The following CLVS1 variants were observed in gnomAD, a reference collection of about 807,000 sequenced individuals.
CLVS1 encodes clavesin-1.
In CLVS1, 10 loss-of-function variants were observed where a neutral mutation model predicts 33.1. The observed-to-expected ratio is 0.30, with a 90% CI of 0.19 to 0.51. CLVS1 has a LOEUF of 0.51. Among genes scored for constraint, CLVS1 ranks in the 20% least tolerant of loss-of-function variants. The pLI, the probability that CLVS1 is intolerant of heterozygous loss-of-function variation, is 0.97. For synonymous variants in CLVS1, 163 were observed against 166.1 expected (o/e 0.98, Z 0.14); for missense variants, 343 against 433.4 (o/e 0.79, Z 1.85).
At chr8:61,260,145 C>G (rs1407469561) in intron 2 of CLVS1, among the ~76,000 whole-genome samples, 5 of 152,212 alleles carry the variant, frequency 3.3e-5, no homozygotes, top group African/African-American at 1.2e-4. Context: ...TTACTCTATT[C>G]TGGTTCCTTC....
intron 2 of CLVS1, among the ~76,000 whole-genome samples, chr8:61,258,771 T>C (rs1809138108): frequency 6.6e-6 from 1 of 152,230 alleles, no homozygotes. Context: ...AGATTAGAAC[T>C]TCCATCTACT....
In CLVS1 at chr8:61,336,126, G is replaced by T. The variant is rs78077443; in HGVS notation, c.455+35844G>T. Among the ~76,000 whole-genome samples, 687 of 152,210 alleles carry T rather than the reference G, an allele frequency of 4.5e-3. 5 individuals carry two copies. Among genetic ancestry groups the T allele is most frequent in the Non-Finnish European group, 7.6e-3 (520 of 68,004 alleles). On this transcript the variant is annotated intron_variant, in intron 2 of 5. Transcript: ENST00000325897. ...CGCTGCTAACCTGGGTTGGGAAACT[G>T]CAGGACCCACAGCAACCCCTAGGAG...
intron 2 of CLVS1, among the ~76,000 whole-genome samples, chr8:61,169,637 C>T (rs1806952889): frequency 6.6e-6 from 1 of 152,110 alleles, no homozygotes; most frequent in East Asian, 1.9e-4. Context: ...ATATTTTGTC[C>T]CAGGCCGTTG....
intron 5 of CLVS1, 43 bp from the exon 6 acceptor site, chr8:61,499,412 T>C (rs1804467570): frequency 7.0e-7 from 1 of 1,419,606 alleles, no homozygotes; most frequent in Non-Finnish European, 1.0e-6. Flanking sequence ...ATTGTCACCA[T>C]GAATTGTTTG....
chr8:61,123,877 G>C lies in CLVS1; in HGVS notation c.-242-7893G>C, dbSNP rs570338720. ...GTCTGATCATCAAAGCAGACAAAAA[G>C]AGAGTTGGAGCATGGCGAGGAGGAT... On this transcript the variant is annotated intron_variant, in intron 1 of 2. Transcript: ENST00000522621. Among the ~76,000 whole-genome samples the C allele has an allele frequency of 5.3e-5, 8 of 152,340 alleles. No individual in the cohort carries two copies. The South Asian group carries it at 1.4e-3, about 28-fold the overall frequency.
chr8:61,156,810 C>A (rs1006010819), intron 2 of CLVS1, among the ~76,000 whole-genome samples: 2 of 152,118 alleles, frequency 1.3e-5, no homozygotes, highest in Non-Finnish European at 2.9e-5. Context: ...ATTGGTCAGG[C>A]CACTTACTCC....
intron 5 of CLVS1, chr8:61,465,382 C>T (rs4367528): frequency 0.87 from 131,718 of 152,104 alleles, 57,260 homozygotes; most frequent in Middle Eastern, 0.92. Flanking sequence ...CTGGTATCCA[C>T]GTAGAGTAAA....
the CLVS1 span, among the ~76,000 whole-genome samples, chr8:61,000,589 G>T: frequency 6.6e-6 from 1 of 152,152 alleles, no homozygotes; most frequent in African/African-American, 2.4e-5. Context: ...TAATAAAAAC[G>T]TCAAAGATTT....
intron 5 of CLVS1, among the ~76,000 whole-genome samples, chr8:61,459,184 A>C (rs528895809): frequency 1.3e-5 from 2 of 152,240 alleles, no homozygotes; most frequent in Admixed American, 1.3e-4. Flanking sequence ...AAGGCGTGCA[A>C]GGGTGGGAGA....
chr8:61,451,503 T>A lies in CLVS1; in HGVS notation c.631-2638T>A, dbSNP rs1247267020. Among the ~76,000 whole-genome samples the A allele has an allele frequency of 2.0e-5, 3 of 152,064 alleles. No individual in the cohort carries two copies. In the East Asian group the frequency reaches 5.8e-4, roughly 29 times the overall value. ...TAATGCCATTTTCTTGAACTTAGAGTATGTTGGTGCATGATGCTCTTTAGT... is the reference window on the plus strand; with the variant it reads ...TAATGCCATTTTCTTGAACTTAGAGAATGTTGGTGCATGATGCTCTTTAGT... On this transcript the variant is annotated intron_variant, in intron 3 of 5. Coordinates refer to ENST00000325897, the MANE Select transcript of CLVS1 (RefSeq NM_173519.3).
chr8:61,173,368 G>A (rs1421399439), intron 2 of CLVS1, among the ~76,000 whole-genome samples: 6 of 152,106 alleles, frequency 3.9e-5, no homozygotes, highest in Admixed American at 3.9e-4. Context: ...AGAAATTTGT[G>A]GAGATCAATG....
intron 1 of CLVS1, among the ~76,000 whole-genome samples, chr8:61,128,024 AT>A (rs982081376): frequency 6.6e-6 from 1 of 152,256 alleles, no homozygotes; most frequent in Non-Finnish European, 1.5e-5. Context: ...GTGGGTAAAA[AT>A]GGTTATTTTG....
At chr8:61,496,357 T>A (rs967964511) in intron 5 of CLVS1, among the ~76,000 whole-genome samples, 5 of 152,188 alleles carry the variant, frequency 3.3e-5, no homozygotes, top group Non-Finnish European at 5.9e-5. Flanking sequence ...GGAGGGAGGT[T>A]GGCCTGTGTC....
At chr8:61,410,723 C>A (rs1223635191) in intron 3 of CLVS1, among the ~76,000 whole-genome samples, 1 of 152,176 alleles carries the variant, frequency 6.6e-6, no homozygotes, top group African/African-American at 2.4e-5. Flanking sequence ...CTCACTGCAG[C>A]CTCCGCCTCC....
At chr8:61,054,016 A>G (rs916475614), upstream of CLVS1, among the ~76,000 whole-genome samples, 1 of 152,188 alleles carries the variant, frequency 6.6e-6, no homozygotes, top group Non-Finnish European at 1.5e-5. Context: ...AGCTGGTTTG[A>G]ATCAATCTCC....
chr8:61,361,160 A>C (rs1200721039), intron 2 of CLVS1, among the ~76,000 whole-genome samples: 10 of 152,146 alleles, frequency 6.6e-5, no homozygotes. Flanking sequence ...CTAACCCATT[A>C]ATGAGAACTC....
At chr8:61,031,651 G>T in the CLVS1 span, among the ~76,000 whole-genome samples, 3 of 152,180 alleles carry the variant, frequency 2.0e-5, no homozygotes, top group Non-Finnish European at 4.4e-5. Flanking sequence ...CACGGCAGAG[G>T]AAATAAACAA....
At chr8:61,084,994 A>G (rs1487865441) in intron 1 of CLVS1, among the ~76,000 whole-genome samples, 6 of 152,254 alleles carry the variant, frequency 3.9e-5, no homozygotes, top group African/African-American at 1.4e-4. Flanking sequence ...CAATACCAGG[A>G]AAATGTTTTG....
At chr8:61,126,056 T>A (rs1805962804) in intron 1 of CLVS1, among the ~76,000 whole-genome samples, 1 of 152,158 alleles carries the variant, frequency 6.6e-6, no homozygotes, top group Admixed American at 6.6e-5. Context: ...GTCACCCCTT[T>A]GACTCTAGGC....
Sources: allele counts gnomAD v4.1 joint callset (sites outside exome capture counted in the v4.1 genomes callset), GRCh38; gene constraint gnomAD v4.1.1; transcripts MANE v1.5; gene names NCBI Gene and HGNC (gene_info 2026-07-23, HGNC 2026-07-21).